Variants in PER1 observed in about 807,000 individuals in gnomAD.
PER1 encodes the protein period circadian regulator 1.
PER1 carries 87 observed loss-of-function variants against 125.9 expected under a neutral mutation model. That is an observed-to-expected ratio of 0.69 (90% CI 0.58 to 0.83). PER1 has a LOEUF of 0.83. Among genes scored for constraint, PER1 ranks in the 40% least tolerant of loss-of-function variants. The probability of loss-of-function intolerance (pLI) is 0.00; values close to 1 mark genes in which losing one functional copy is unlikely to be tolerated. For synonymous variants in PER1, 801 were observed against 714.7 expected (o/e 1.12, Z -1.93); for missense variants, 1,775 against 1,722.8 (o/e 1.03, Z -0.54).
At chr17:8,148,528 G>A (rs1982606479) in intron 8 of PER1, 116 bp downstream of exon 8, 1 of 1,290,936 alleles carries the variant, frequency 7.7e-7, no homozygotes, top group Admixed American at 2.3e-5. Flanking sequence ...CTTTACAATA[G>A]CTTTTCTTGT....
intron 19 of PER1, 79 bp downstream of exon 19, chr17:8,143,187 A>G: frequency 9.4e-7 from 1 of 1,062,498 alleles, no homozygotes; most frequent in South Asian, 1.7e-5. Context: ...AGCCTGGCAG[A>G]GACAGCAGGC....
Position 8,141,968 on chromosome 17 carries a change from G to C in PER1, c.3450-13C>G, listed in dbSNP as rs1260016155. On this transcript the variant is annotated splice_polypyrimidine_tract_variant and intron_variant, in intron 21 of 22. Transcript: ENST00000317276. ...AGAGGTCATGTCCCTGCCCAAGAAG[G>C]GGTTCAGAAGGCAGAGGCTGGGATC... The C allele has an allele frequency of 8.7e-6, 14 of 1,613,462 alleles. No homozygotes were observed. The highest frequency in any genetic ancestry group is 1.3e-5 in the African/African-American group (1 of 75,028).
intron 18 of PER1, 185 bp downstream of exon 18, chr17:8,144,566 G>A: frequency 4.1e-6 from 3 of 724,764 alleles, no homozygotes; most frequent in South Asian, 2.2e-5. Context: ...TCCTCTGGCT[G>A]CAGCCCGGAA....
intron 21 of PER1, 82 bp from the exon 22 acceptor site, chr17:8,142,037 C>A (rs987219289): frequency 1.9e-6 from 3 of 1,540,192 alleles, no homozygotes; most frequent in Non-Finnish European, 2.7e-6. Flanking sequence ...CCTTCCTCTA[C>A]CACAGCTTCC....
chr17:8,146,335 G>T (rs899259666), intron 16 of PER1, 37 bp downstream of exon 16: 1 of 1,573,608 alleles, frequency 6.4e-7, no homozygotes, highest in Non-Finnish European at 8.6e-7. Flanking sequence ...ACCAGGCCAG[G>T]ACGGGGCAGT....
In PER1 at chr17:8,149,677, G is replaced by A. The variant is rs756815317; in HGVS notation, c.652-14C>T. ...TGAGAAGGTATCCTGGCAGGAGGGG[G>A]AGAGCAAGAGCAGATTCAAGAGCTG... On this transcript the variant is annotated splice_polypyrimidine_tract_variant and intron_variant, in intron 5 of 22. Coordinates refer to ENST00000317276, the MANE Select transcript of PER1 (RefSeq NM_002616.3). 3.1e-6 allele frequency: 5 copies of A among 1,609,732 alleles called. No individual in the cohort carries two copies. Among genetic ancestry groups the A allele is most frequent in the South Asian group, 2.2e-5 (2 of 91,026 alleles).
chr17:8,141,591 G>A (rs1338697601), intron 22 of PER1, among the ~76,000 whole-genome samples: 2 of 152,284 alleles, frequency 1.3e-5, no homozygotes, highest in South Asian at 4.1e-4. Context: ...AGACTCACGC[G>A]GCTTAATATT....
intron 21 of PER1, 32 bp downstream of exon 21, chr17:8,142,237 G>A (rs753585069): frequency 5.9e-6 from 9 of 1,527,924 alleles, no homozygotes; most frequent in South Asian, 5.0e-5. Context: ...ACCTCTGAAA[G>A]GAAGGCCAAG....
intron 21 of PER1, 79 bp from the exon 22 acceptor site, chr17:8,142,034 C>G: frequency 6.4e-7 from 1 of 1,564,612 alleles, no homozygotes; most frequent in South Asian, 1.1e-5. Flanking sequence ...CATCCTTCCT[C>G]TACCACAGCT....
At chr17:8,151,072 T>C (rs2151862138) in intron 1 of PER1, among the ~76,000 whole-genome samples, 1 of 152,296 alleles carries the variant, frequency 6.6e-6, no homozygotes, top group East Asian at 1.9e-4. Context: ...CCTGCCACCA[T>C]GGCCTGAGCA....
chr17:8,147,065 G>A, intron 13 of PER1, 63 bp from the exon 14 acceptor site: 1 of 1,474,886 alleles, frequency 6.8e-7, no homozygotes, highest in Non-Finnish European at 9.4e-7. Flanking sequence ...GGGGCCAAGG[G>A]CACAATAAAA....
rs367828864 is a variant in PER1, at chr17:8,146,742, C to A, written c.1759G>T (p.Ala587Ser). The change falls in exon 15 of 23, where the codon GCC becomes TCC. Residue 587 changes from alanine to serine, a missense_variant. By Grantham distance (99) the Ala-to-Ser change is moderately conservative (BLOSUM62 1). Transcript: ENST00000317276. ...GGGTCTGGGGATTGGCAGGGAAGGG[C>A]CTTGGCCTTGAACGTGCCTGTAGCT... ...LPATGTFKAKALPCQSPDPEL... is the reference protein window; with the variant it reads ...LPATGTFKAKSLPCQSPDPEL... 1.1e-5 allele frequency: 17 copies of A among 1,613,316 alleles called. No homozygotes were observed. In the East Asian group the frequency reaches 2.9e-4, roughly 27 times the overall value.
chr17:8,142,199 C>A (rs941613924), intron 21 of PER1, 70 bp downstream of exon 21: 1 of 1,316,450 alleles, frequency 7.6e-7, no homozygotes, highest in Non-Finnish European at 1.0e-6. Context: ...CAGAGCCAGC[C>A]CCAGAAAAGA....
Position 8,146,013 on chromosome 17 carries a change from C to A in PER1, c.2163G>T (p.Gln721His), listed in dbSNP as rs749076259. The change falls in exon 17 of 23, where the codon CAG becomes CAT. Residue 721 changes from glutamine (Q) to histidine (H), a missense_variant. Gln to His is a conservative substitution (Grantham distance 24). Transcript: ENST00000317276. ...KAESVVSVTS[Q>H]CSFSSTIVHV... ...GGACGATGGTGGAGCTGAAGCTACACTGACTGGTGACGGACACCACACTCT... is the reference window on the plus strand; with the variant it reads ...GGACGATGGTGGAGCTGAAGCTACAATGACTGGTGACGGACACCACACTCT... 14 of 1,613,848 alleles carry A rather than the reference C, an allele frequency of 8.7e-6. No individual in the cohort carries two copies. The highest frequency in any genetic ancestry group is 1.3e-5 in the African/African-American group (1 of 74,956).
Position 8,147,753 on chromosome 17 carries a change from T to C in PER1, c.1309A>G (p.Met437Val). ...ACAAAGCCAGCCCAGCTGGTGTCCA[T>C]GGTGACATACTCCCCGTTGCGGGCA... ...FCARNGEYVT[M>V]DTSWAGFVHP... Residue 437 changes from methionine to valine, a missense_variant, in exon 11 of 23, where the codon ATG becomes GTG. Transcript: ENST00000317276. 1.9e-6 allele frequency: 3 copies of C among 1,613,986 alleles called. No individual in the cohort carries two copies. The highest frequency in any genetic ancestry group is 2.2e-5 in the East Asian group (1 of 44,870).
rs776993069 is a variant in PER1 at position 8,149,889 on chromosome 17, G to A, written c.530-13C>T. ...TATTCCTGGTTGGCTGCAGAGTGGA[G>A]GCAGTGAGGCATTCAGTAAGGAGGC... On this transcript the variant is annotated splice_polypyrimidine_tract_variant and intron_variant, in intron 4 of 22. Transcript: ENST00000317276. 2 of 1,614,154 alleles carry A rather than the reference G, an allele frequency of 1.2e-6. No homozygotes were observed. Among genetic ancestry groups the A allele is most frequent in the South Asian group, 2.2e-5 (2 of 91,088 alleles).
rs3027178 is a variant in PER1 at position 8,149,767 on chromosome 17, T to G, written c.639A>C (p.Thr213=). 0.29 allele frequency: 469,028 copies of G among 1,612,592 alleles called. 70,256 individuals are homozygous for G. The highest frequency in any genetic ancestry group is 0.47 in the Admixed American group (28,477 of 59,994). ...GGCCGCCGCTGACCTGGTTCTGAAGTGTGTACTCAGACGTGATGTGCTCCA... is the reference window on the plus strand; with the variant it reads ...GGCCGCCGCTGACCTGGTTCTGAAGGGTGTACTCAGACGTGATGTGCTCCA... ...EELEHITSEY[T]LQNQDTFSVA... is the part of the protein sequence containing the mutation. The change falls in exon 5 of 23, where the codon ACA becomes ACC. Residue 213 remains threonine, a synonymous_variant. Coordinates refer to ENST00000317276, the MANE Select transcript of PER1 (RefSeq NM_002616.3).
rs753761027 is a variant in PER1 at position 8,143,843 on chromosome 17, C to T, written c.2495G>A (p.Arg832Gln). The T allele has an allele frequency of 2.9e-5, 47 of 1,611,294 alleles. No homozygotes were observed. The highest frequency in any genetic ancestry group is 1.1e-4 in the East Asian group (5 of 44,754). Residue 832 changes from arginine (R) to glutamine (Q), a missense_variant, in exon 19 of 23, where the codon CGA (arginine) becomes CAA (glutamine). Arg to Gln is a conservative substitution (Grantham distance 43, BLOSUM62 1). Transcript: ENST00000317276. ...CHHGPAPPSR[R>Q]HHCRSKAKRS... The stretch of plus-strand genomic sequence containing the variant: ...CTTGGCTTTGGATCGGCAGTGGTGT[C>T]GGCGGCTTGGGGGTGCGGGGCCGTG...
In PER1 at chr17:8,150,529, G is replaced by A; in HGVS notation, c.178C>T (p.His60Tyr). The change falls in exon 2 of 23, where the codon CAT becomes TAT. Residue 60 changes from histidine (H) to tyrosine (Y), a missense_variant. By Grantham distance (83) the His-to-Tyr change is moderately conservative. Coordinates refer to ENST00000317276, the MANE Select transcript of PER1 (RefSeq NM_002616.3). The part of the protein sequence containing the change: ...NGSSGNESNG[H>Y]ESRGASQRSS... ...CGCTGAGATGCGCCTCTAGACTCATGCCCGTTGGACTCATTGCCACTTGAA... is the reference window on the plus strand; with the variant it reads ...CGCTGAGATGCGCCTCTAGACTCATACCCGTTGGACTCATTGCCACTTGAA... 1.9e-6 allele frequency: 3 copies of A among 1,614,168 alleles called. No homozygotes were observed. The highest frequency in any genetic ancestry group is 2.5e-6 in the Non-Finnish European group (3 of 1,180,020).
Sources: allele counts gnomAD v4.1 joint callset (sites outside exome capture counted in the v4.1 genomes callset), GRCh38; gene constraint gnomAD v4.1.1; transcripts MANE v1.5; gene names NCBI Gene and HGNC (gene_info 2026-07-23, HGNC 2026-07-21).